KCNIP4: variants seen among roughly 807,000 people sequenced by gnomAD.
KCNIP4 encodes the protein potassium voltage-gated channel interacting protein 4.
In KCNIP4, 12 loss-of-function variants were observed where a neutral mutation model predicts 34.0. The observed-to-expected ratio is 0.35, with a 90% CI of 0.23 to 0.57. The LOEUF (loss-of-function observed/expected upper bound fraction) is 0.57, where lower values mean the gene tolerates loss of function less well. Among genes scored for constraint, KCNIP4 ranks in the 20% least tolerant of loss-of-function variants. The pLI, the probability that KCNIP4 is intolerant of heterozygous loss-of-function variation, is 0.83. For synonymous variants in KCNIP4, 124 were observed against 102.2 expected, an observed-to-expected ratio of 1.21 and a Z score of -1.29; for missense variants, 238 against 311.7, an observed-to-expected ratio of 0.76 and a Z score of 1.78.
intron 1 of KCNIP4, among the ~76,000 whole-genome samples, chr4:21,511,598 G>C (rs1734317926): frequency 6.6e-6 from 1 of 152,086 alleles, no homozygotes; most frequent in Non-Finnish European, 1.5e-5. Flanking sequence ...TTAATCCCTA[G>C]AAATTCCAAT....
At chr4:20,861,125 G>C (rs1722154988) in intron 2 of KCNIP4, among the ~76,000 whole-genome samples, 1 of 152,122 alleles carries the variant, frequency 6.6e-6, no homozygotes, top group African/African-American at 2.4e-5. Flanking sequence ...TGATGAGTGT[G>C]GGCACGGGGA....
chr4:20,939,744 T>G (rs1731447785), intron 1 of KCNIP4, among the ~76,000 whole-genome samples: 2 of 152,130 alleles, frequency 1.3e-5, no homozygotes, highest in South Asian at 2.1e-4. Context: ...TACCACTTTC[T>G]TACCCAGTCA....
intron 3 of KCNIP4, among the ~76,000 whole-genome samples, chr4:20,831,802 A>G (rs1718457586): frequency 6.6e-6 from 1 of 152,222 alleles, no homozygotes. Flanking sequence ...CACAGATTAC[A>G]TGGTGCCTTG....
chr4:20,962,365 G>A (rs975718284), intron 1 of KCNIP4, among the ~76,000 whole-genome samples: 20 of 152,198 alleles, frequency 1.3e-4, no homozygotes, highest in African/African-American at 4.6e-4. Flanking sequence ...GCAGGTTCTT[G>A]TGCTTCTTGC....
chr4:21,636,276 A>AACTT (rs1746150309), intron 1 of KCNIP4, among the ~76,000 whole-genome samples: 1 of 150,606 alleles, frequency 6.6e-6, no homozygotes, highest in South Asian at 2.1e-4. Flanking sequence ...TGTACCCTAG[A>AACTT]ACTTAAAGTA....
chr4:21,796,493 C>T (rs1232131470), intron 1 of KCNIP4, among the ~76,000 whole-genome samples: 1 of 152,204 alleles, frequency 6.6e-6, no homozygotes, highest in Non-Finnish European at 1.5e-5. Context: ...TATAGACACA[C>T]ATCTTCATTT....
chr4:21,038,896 A>C (rs1380586027), intron 1 of KCNIP4, among the ~76,000 whole-genome samples: 1 of 152,196 alleles, frequency 6.6e-6, no homozygotes, highest in African/African-American at 2.4e-5. Context: ...CAGCTCCTTC[A>C]CAGTGTTCTG....
At chr4:21,805,219 C>T (rs1721221283) in intron 1 of KCNIP4, among the ~76,000 whole-genome samples, 1 of 152,080 alleles carries the variant, frequency 6.6e-6, no homozygotes, top group African/African-American at 2.4e-5. Flanking sequence ...AAGCTATTAC[C>T]AAACAAAAGT....
intron 2 of KCNIP4, among the ~76,000 whole-genome samples, chr4:20,872,963 C>T (rs2149512291): frequency 6.6e-6 from 1 of 152,308 alleles, no homozygotes; most frequent in East Asian, 1.9e-4. Context: ...CCTTCATGGC[C>T]TTCCCTCTAT....
intron 1 of KCNIP4, among the ~76,000 whole-genome samples, chr4:21,669,732 AT>A (rs1749325942): frequency 6.6e-6 from 1 of 151,982 alleles, no homozygotes; most frequent in Non-Finnish European, 1.5e-5. Flanking sequence ...ATTACATACC[AT>A]TTTCTTTTTA....
chr4:20,795,835 T>C (rs1713376219), intron 3 of KCNIP4, among the ~76,000 whole-genome samples: 1 of 152,234 alleles, frequency 6.6e-6, no homozygotes, highest in Non-Finnish European at 1.5e-5. Flanking sequence ...CAGAGTTTAG[T>C]ATTTCCACTG....
At chr4:21,228,117 G>A (rs1281743374) in intron 1 of KCNIP4, among the ~76,000 whole-genome samples, 2 of 152,160 alleles carry the variant, frequency 1.3e-5, no homozygotes, top group African/African-American at 2.4e-5. Context: ...ACAGCCTGAT[G>A]TGATTTGGCT....
intron 1 of KCNIP4, among the ~76,000 whole-genome samples, chr4:20,992,853 C>A (rs1266667473): frequency 2.6e-5 from 4 of 151,796 alleles, no homozygotes; most frequent in African/African-American, 7.3e-5. Flanking sequence ...CATAGTGAAA[C>A]CCTGTCTCTA....
intron 1 of KCNIP4, among the ~76,000 whole-genome samples, chr4:21,612,968 T>C (rs6448062): frequency 0.85 from 128,619 of 152,136 alleles, 54,803 homozygotes; most frequent in East Asian, 0.97. Flanking sequence ...AGGCAAAGAA[T>C]GCATAAGTAG....
intron 1 of KCNIP4, among the ~76,000 whole-genome samples, chr4:21,407,583 A>G (rs1306906639): frequency 6.6e-6 from 1 of 152,188 alleles, no homozygotes; most frequent in Non-Finnish European, 1.5e-5. Flanking sequence ...ACTCAGGGTG[A>G]GAGCAGCTAA....
chr4:21,250,309 T>C (rs1304562198), intron 1 of KCNIP4, among the ~76,000 whole-genome samples: 1 of 151,954 alleles, frequency 6.6e-6, no homozygotes, highest in African/African-American at 2.4e-5. Flanking sequence ...ACTTGGAAAG[T>C]TTAAAACATT....
At chr4:21,108,161 T>G (rs143661027) in intron 1 of KCNIP4, among the ~76,000 whole-genome samples, 21,839 of 151,432 alleles carry the variant, frequency 0.14, 1,894 homozygotes, top group East Asian at 0.23. Context: ...TTGCTAGATT[T>G]GGGAAGTTCT....
intron 1 of KCNIP4, among the ~76,000 whole-genome samples, chr4:20,983,337 CA>C (rs1344811887): frequency 6.6e-6 from 1 of 152,168 alleles, no homozygotes; most frequent in Non-Finnish European, 1.5e-5. Context: ...AATTTCATAT[CA>C]AAAGCTTACC....
In KCNIP4 at chr4:20,782,787, A is replaced by C. The variant is rs1047891443; in HGVS notation, c.289-23897T>G. Among the ~76,000 whole-genome samples, 5 of 152,272 alleles carry C rather than the reference A, an allele frequency of 3.3e-5. No individual in the cohort carries two copies. The East Asian group carries it at 9.7e-4, about 29-fold the overall frequency. ...CCCATTGTCTTGGGAATTAACATTCAGCTCCTCATTACTTATGCAAATATA... is the reference window on the plus strand; with the variant it reads ...CCCATTGTCTTGGGAATTAACATTCCGCTCCTCATTACTTATGCAAATATA... On this transcript the variant is annotated intron_variant, in intron 3 of 8. Transcript: ENST00000382152.
Sources: allele counts gnomAD v4.1 joint callset (sites outside exome capture counted in the v4.1 genomes callset), GRCh38; gene constraint gnomAD v4.1.1; transcripts MANE v1.5; gene names NCBI Gene and HGNC (gene_info 2026-07-23, HGNC 2026-07-21).